The following CEP63 variants were observed in gnomAD, a reference collection of about 807,000 sequenced individuals.
CEP63 encodes centrosomal protein of 63 kDa.
A neutral mutation model predicts 89.1 loss-of-function variants in CEP63; 84 were observed. The ratio of observed to expected loss-of-function variants is 0.94; its 90% CI spans 0.79 to 1.13. The LOEUF is 1.13. CEP63 is among the 50% of genes most tolerant of loss of function. CEP63 has a pLI of 0.00. For missense variants in CEP63, 838 were observed against 813.3 expected (o/e 1.03, Z -0.37); for synonymous variants, 267 against 272.5 (o/e 0.98, Z 0.20).
chr3:134,581,679 A>ATTTT (rs1231214008), intron 10 of CEP63, among the ~76,000 whole-genome samples: 81,086 of 123,402 alleles, frequency 0.66, 28,898 homozygotes, highest in East Asian at 0.83. Context: ...TGATGAAAAC[A>ATTTT]TTTTTTTTTT....
chr3:134,621,700 G>GA, the CEP63 span, among the ~76,000 whole-genome samples: 469 of 151,958 alleles, frequency 3.1e-3, 2 homozygotes, highest in African/African-American at 0.01. Context: ...AGCAACAAAG[G>GA]AAAAAACAGA....
chr3:134,682,480 G>A, the CEP63 span, among the ~76,000 whole-genome samples: 1 of 152,318 alleles, frequency 6.6e-6, no homozygotes, highest in South Asian at 2.1e-4. Context: ...ACTAGGGAAT[G>A]GGCAGGAATG....
the CEP63 span, among the ~76,000 whole-genome samples, chr3:134,706,098 G>A: frequency 6.6e-6 from 1 of 152,112 alleles, no homozygotes; most frequent in African/African-American, 2.4e-5. Flanking sequence ...GTGGGTAGAG[G>A]GGAGAGGACA....
chr3:134,535,209 G>A (rs112954599), intron 5 of CEP63: 2,464 of 152,082 alleles, frequency 0.016, 57 homozygotes, highest in African/African-American at 0.055. Context: ...AGTTCCTCTT[G>A]TCTCATTGTT....
the CEP63 span, among the ~76,000 whole-genome samples, chr3:134,775,083 G>C: frequency 0.62 from 94,030 of 152,070 alleles, 31,725 homozygotes; most frequent in East Asian, 0.87. Context: ...CACCTCCGGT[G>C]GTGACTGTCT....
chr3:134,748,742 C>A, the CEP63 span, among the ~76,000 whole-genome samples: 1 of 152,184 alleles, frequency 6.6e-6, no homozygotes, highest in Non-Finnish European at 1.5e-5. Context: ...CACATATATG[C>A]AGGGTGCTAG....
the CEP63 span, among the ~76,000 whole-genome samples, chr3:134,664,917 T>A: frequency 6.6e-6 from 1 of 152,076 alleles, no homozygotes; most frequent in Non-Finnish European, 1.5e-5. Flanking sequence ...GTGAAGATAT[T>A]TTTCTCAGGT....
the CEP63 span, among the ~76,000 whole-genome samples, chr3:134,747,856 G>T: frequency 6.6e-6 from 1 of 152,136 alleles, no homozygotes; most frequent in Non-Finnish European, 1.5e-5. Context: ...CATGATCTCG[G>T]CTCACTGCTA....
chr3:134,486,019 T>C, upstream of CEP63: 1 of 877,008 alleles, frequency 1.1e-6, no homozygotes, highest in Non-Finnish European at 1.4e-6. Context: ...GCATCACGTG[T>C]CTGCACTCGC....
chr3:134,746,055 T>C, the CEP63 span, among the ~76,000 whole-genome samples: 63 of 147,292 alleles, frequency 4.3e-4, 1 homozygote, highest in South Asian at 9.6e-3. Context: ...CCTAATGCTA[T>C]CCCTCCTCCA....
the CEP63 span, chr3:134,619,800 ATG>A: frequency 6.4e-6 from 1 of 156,862 alleles, no homozygotes; most frequent in South Asian, 1.9e-4. Context: ...GAGACTGTGT[ATG>A]TGTGTGTTGG....
the CEP63 span, among the ~76,000 whole-genome samples, chr3:134,710,942 G>A: frequency 1.3e-5 from 2 of 151,730 alleles, no homozygotes; most frequent in African/African-American, 2.4e-5. Flanking sequence ...GGATAGTCTC[G>A]ATCTCCTGAT....
intron 1 of CEP63, among the ~76,000 whole-genome samples, chr3:134,494,187 A>G (rs899696249): frequency 2.7e-5 from 4 of 150,764 alleles, no homozygotes; most frequent in Admixed American, 2.0e-4. Flanking sequence ...GTGATCTCGG[A>G]TCACTGCAAC....
chr3:134,581,678 C>CTTT lies in CEP63; in HGVS notation c.1207-5780_1207-5779insTTT, dbSNP rs1307921869. ...ACTCAATACACATTCATGATGAAAA[C>CTTT]ATTTTTTTTTTTTTTGAGACGGAGT... On this transcript the variant is annotated intron_variant, in intron 10 of 10. Transcript: ENST00000683931. 1.9e-3 allele frequency among the ~76,000 whole-genome samples: 36 copies of CTTT among 18,532 alleles called. 1 individual carries two copies. Among genetic ancestry groups the CTTT allele is most frequent in the African/African-American group, 5.6e-3 (25 of 4,478 alleles). The allele number at this position is 18,532 out of a possible 152,430, so 12.2% of individuals were successfully genotyped here. A position where few individuals can be genotyped will look rare whatever the true frequency, so the allele number is the denominator to read the frequency against.
chr3:134,553,778 CAT>C (rs936995880), intron 12 of CEP63, among the ~76,000 whole-genome samples: 1 of 152,046 alleles, frequency 6.6e-6, no homozygotes, highest in African/African-American at 2.4e-5. Context: ...ATTCCTGGGT[CAT>C]GTGTGTTTCT....
chr3:134,747,783 ACTTT>A, the CEP63 span, among the ~76,000 whole-genome samples: 24 of 152,016 alleles, frequency 1.6e-4, no homozygotes, highest in African/African-American at 3.4e-4. Context: ...AAATGACCCC[ACTTT>A]CTTTCTTTCT....
the CEP63 span, among the ~76,000 whole-genome samples, chr3:134,679,888 A>G: frequency 6.6e-6 from 1 of 152,018 alleles, no homozygotes; most frequent in Non-Finnish European, 1.5e-5. Context: ...ACATCCAGCT[A>G]ATTTTTGTAT....
At chr3:134,536,017 C>G (rs1950705078) in intron 5 of CEP63, 1 of 152,214 alleles carries the variant, frequency 6.6e-6, no homozygotes, top group Non-Finnish European at 1.5e-5. Flanking sequence ...CTTTCTCACC[C>G]TTAAACACAC....
intron 6 of CEP63, among the ~76,000 whole-genome samples, chr3:134,541,062 G>A (rs1043262132): frequency 7.2e-5 from 11 of 152,080 alleles, no homozygotes; most frequent in African/African-American, 2.4e-4. Flanking sequence ...GATTACAGGC[G>A]TGAACCATCG....
Sources: allele counts gnomAD v4.1 joint callset (sites outside exome capture counted in the v4.1 genomes callset), GRCh38; gene constraint gnomAD v4.1.1; transcripts MANE v1.5; gene names NCBI Gene and HGNC (gene_info 2026-07-23, HGNC 2026-07-21).